MLLT3: variants seen among roughly 807,000 people sequenced by gnomAD.
The protein encoded by MLLT3 is MLLT3 super elongation complex subunit.
A neutral mutation model predicts 53.2 loss-of-function variants in MLLT3; 4 were observed. That is an observed-to-expected ratio of 0.08 (90% CI 0.04 to 0.17). The LOEUF (loss-of-function observed/expected upper bound fraction) is 0.17. Ranked by LOEUF, MLLT3 falls within the 10% of genes least tolerant of loss-of-function variation. The pLI, the probability that MLLT3 is intolerant of heterozygous loss-of-function variation, is 1.00. For missense variants in MLLT3, 569 were observed against 684.0 expected (o/e 0.83, Z 1.87); for synonymous variants, 283 against 230.6 (o/e 1.23, Z -2.06).
chr9:20,501,798 A>T (rs1386939507), intron 2 of MLLT3, among the ~76,000 whole-genome samples: 1 of 147,192 alleles, frequency 6.8e-6, no homozygotes, highest in Non-Finnish European at 1.5e-5. Flanking sequence ...CGCACCCAAG[A>T]GGTCAGGCGA....
intron 5 of MLLT3, among the ~76,000 whole-genome samples, chr9:20,378,160 T>C (rs1196851600): frequency 1.3e-5 from 2 of 152,146 alleles, no homozygotes; most frequent in African/African-American, 4.8e-5. Flanking sequence ...TTCTTGTACA[T>C]AATATGAAAG....
intron 2 of MLLT3, among the ~76,000 whole-genome samples, chr9:20,587,349 C>T (rs944906850): frequency 1.3e-5 from 2 of 152,090 alleles, no homozygotes; most frequent in Admixed American, 1.3e-4. Context: ...AGAAGCCCAT[C>T]TGTCTCTCCT....
chr9:20,396,918 T>C (rs970087727), intron 5 of MLLT3, among the ~76,000 whole-genome samples: 1 of 151,924 alleles, frequency 6.6e-6, no homozygotes, highest in African/African-American at 2.4e-5. Flanking sequence ...TGGAGATCTG[T>C]CAGGTGAAAG....
chr9:20,532,102 A>G (rs1341986089), intron 2 of MLLT3, among the ~76,000 whole-genome samples: 1 of 152,120 alleles, frequency 6.6e-6, no homozygotes, highest in Non-Finnish European at 1.5e-5. Flanking sequence ...AACGGCCCCT[A>G]AATGTCATGG....
At chr9:20,463,015 AT>A (rs755636561) in intron 2 of MLLT3, among the ~76,000 whole-genome samples, 1 of 152,154 alleles carries the variant, frequency 6.6e-6, no homozygotes, top group Non-Finnish European at 1.5e-5. Flanking sequence ...TAAAGTTTAC[AT>A]TTGTATAGAG....
At chr9:20,360,923 C>G (rs1821306793) in intron 7 of MLLT3, 82 bp from the exon 8 acceptor site, 2 of 1,225,282 alleles carry the variant, frequency 1.6e-6, no homozygotes, top group South Asian at 2.5e-5. Flanking sequence ...GTGGAAAGCA[C>G]AGAATCCAAA....
At chr9:20,386,290 C>T (rs1350908654) in intron 5 of MLLT3, among the ~76,000 whole-genome samples, 4 of 152,122 alleles carry the variant, frequency 2.6e-5, no homozygotes, top group African/African-American at 7.2e-5. Context: ...AATAATGTTT[C>T]AAGGAGAGTT....
At chr9:20,356,066 C>G (rs1451972571) in intron 8 of MLLT3, among the ~76,000 whole-genome samples, 4 of 152,164 alleles carry the variant, frequency 2.6e-5, no homozygotes, top group Non-Finnish European at 4.4e-5. Flanking sequence ...AGATAAGACC[C>G]AGATTCCCAT....
chr9:20,457,330 C>T (rs1283591987), intron 2 of MLLT3, among the ~76,000 whole-genome samples: 1 of 146,030 alleles, frequency 6.8e-6, no homozygotes, highest in East Asian at 2.1e-4. Flanking sequence ...CTCACCACAA[C>T]CTCCGCCTCC....
chr9:20,500,894 G>A (rs1200497809), intron 2 of MLLT3, among the ~76,000 whole-genome samples: 2 of 152,126 alleles, frequency 1.3e-5, no homozygotes, highest in Admixed American at 6.5e-5. Context: ...TAAGTTCAAT[G>A]CCCAGAAACC....
At chr9:20,467,483 C>T (rs1036990720) in intron 2 of MLLT3, among the ~76,000 whole-genome samples, 6 of 152,178 alleles carry the variant, frequency 3.9e-5, no homozygotes, top group African/African-American at 1.4e-4. Flanking sequence ...GAGGCTGACG[C>T]AGGAGAATCG....
chr9:20,459,775 G>T (rs1824064133), intron 2 of MLLT3, among the ~76,000 whole-genome samples: 1 of 152,068 alleles, frequency 6.6e-6, no homozygotes, highest in Non-Finnish European at 1.5e-5. Flanking sequence ...ATATTGTATA[G>T]AAGTGTGATT....
intron 2 of MLLT3, among the ~76,000 whole-genome samples, chr9:20,463,881 C>G (rs1824171673): frequency 6.6e-6 from 1 of 152,078 alleles, no homozygotes; most frequent in Non-Finnish European, 1.5e-5. Context: ...AGAAAATGAT[C>G]TTCTAGGAAA....
chr9:20,390,736 A>G (rs1324187563), intron 5 of MLLT3, among the ~76,000 whole-genome samples: 6 of 152,244 alleles, frequency 3.9e-5, no homozygotes, highest in Non-Finnish European at 7.3e-5. Context: ...TTCTTTTTCA[A>G]AAGCTGAGTT....
chr9:20,367,529 C>T (rs1335435939), intron 5 of MLLT3, among the ~76,000 whole-genome samples: 1 of 152,106 alleles, frequency 6.6e-6, no homozygotes, highest in East Asian at 1.9e-4. Flanking sequence ...GATTCCATGG[C>T]AGGTAAAGAC....
At chr9:20,504,261 G>C (rs748623931) in intron 2 of MLLT3, among the ~76,000 whole-genome samples, 11 of 152,074 alleles carry the variant, frequency 7.2e-5, no homozygotes, top group Non-Finnish European at 1.5e-4. Flanking sequence ...TGCAGTACTA[G>C]TTACAATAGT....
intron 8 of MLLT3, among the ~76,000 whole-genome samples, chr9:20,357,980 C>T (rs1002157001): frequency 3.5e-5 from 5 of 141,288 alleles, no homozygotes; most frequent in South Asian, 2.3e-4. Flanking sequence ...CTCCCTCCTG[C>T]GCACACACAC....
chr9:20,352,247 G>A (rs534168938), intron 10 of MLLT3, among the ~76,000 whole-genome samples: 1 of 152,314 alleles, frequency 6.6e-6, no homozygotes, highest in South Asian at 2.1e-4. Context: ...CCTCCTATGA[G>A]ACTCACTATT....
chr9:20,517,561 G>A (rs964433226), intron 2 of MLLT3, among the ~76,000 whole-genome samples: 9 of 152,302 alleles, frequency 5.9e-5, no homozygotes, highest in African/African-American at 1.9e-4. Flanking sequence ...GCAGGGCCAG[G>A]CGCAGTGGCT....
Sources: gnomAD v4.1 joint callset for allele counts (sites outside exome capture counted in the v4.1 genomes callset) on GRCh38, gnomAD v4.1.1 for gene constraint, MANE v1.5 for transcripts, NCBI Gene and HGNC (gene_info 2026-07-23, HGNC 2026-07-21) for gene names.